LMX1A: variants seen among roughly 807,000 people sequenced by gnomAD.
LMX1A encodes LIM homeobox transcription factor 1 alpha.
LMX1A carries 15 observed loss-of-function variants against 49.1 expected under a neutral mutation model. That is an observed-to-expected ratio of 0.31 (90% CI 0.20 to 0.47). The LOEUF (loss-of-function observed/expected upper bound fraction) is 0.47, where lower values mean the gene tolerates loss of function less well. Ranked by LOEUF, LMX1A falls within the 20% of genes least tolerant of loss-of-function variation. The pLI is 1.00. For synonymous variants in LMX1A, 167 were observed against 185.7 expected (o/e 0.90, Z 0.82); for missense variants, 372 against 475.8 (o/e 0.78, Z 2.03).
intron 3 of LMX1A, among the ~76,000 whole-genome samples, chr1:165,352,488 G>T (rs185809646): frequency 1.8e-4 from 28 of 152,332 alleles, no homozygotes; most frequent in Admixed American, 1.8e-3. Flanking sequence ...GGGCGAACGG[G>T]CTGTGCGCTT....
At chr1:165,298,175 A>G (rs914013740) in intron 3 of LMX1A, among the ~76,000 whole-genome samples, 11 of 152,172 alleles carry the variant, frequency 7.2e-5, no homozygotes, top group Non-Finnish European at 1.6e-4. Context: ...TGCTCATTAG[A>G]GCCCGCCAGC....
intron 3 of LMX1A, among the ~76,000 whole-genome samples, chr1:165,275,229 C>T (rs575484952): frequency 6.6e-6 from 1 of 152,302 alleles, no homozygotes; most frequent in South Asian, 2.1e-4. Flanking sequence ...CCCGACAGCC[C>T]CGAGTCCTAG....
intron 3 of LMX1A, among the ~76,000 whole-genome samples, chr1:165,286,587 A>G (rs1654309686): frequency 6.6e-6 from 1 of 152,192 alleles, no homozygotes; most frequent in South Asian, 2.1e-4. Flanking sequence ...CCCAGAGTAG[A>G]AGGGAGAGAG....
intron 3 of LMX1A, among the ~76,000 whole-genome samples, chr1:165,352,696 AC>A (rs923412771): frequency 8.5e-5 from 13 of 152,274 alleles, no homozygotes; most frequent in African/African-American, 3.1e-4. Flanking sequence ...ACACGGGGTC[AC>A]TGGCAACCCG....
intron 3 of LMX1A, among the ~76,000 whole-genome samples, chr1:165,254,904 C>T (rs1396379681): frequency 2.0e-5 from 3 of 152,218 alleles, no homozygotes; most frequent in African/African-American, 7.2e-5. Flanking sequence ...CCCCTGAAAG[C>T]TCTGCAAATG....
chr1:165,316,688 G>C (rs1288709006), intron 3 of LMX1A, among the ~76,000 whole-genome samples: 1 of 152,172 alleles, frequency 6.6e-6, no homozygotes, highest in Non-Finnish European at 1.5e-5. Context: ...TCCACATCCA[G>C]GCGGTTTCCC....
At chr1:165,229,749 T>C (rs1044808588) in intron 4 of LMX1A, among the ~76,000 whole-genome samples, 1 of 152,200 alleles carries the variant, frequency 6.6e-6, no homozygotes, top group African/African-American at 2.4e-5. Flanking sequence ...TTGTTGTTGT[T>C]GTTTTCTGTC....
chr1:165,235,152 G>A (rs186622544), intron 4 of LMX1A, among the ~76,000 whole-genome samples: 2 of 135,676 alleles, frequency 1.5e-5, no homozygotes, highest in East Asian at 2.1e-4. Flanking sequence ...GACAGTTAGA[G>A]CGTATAGGGG....
chr1:165,282,782 T>C (rs895594727), intron 3 of LMX1A, among the ~76,000 whole-genome samples: 1 of 152,206 alleles, frequency 6.6e-6, no homozygotes, highest in Non-Finnish European at 1.5e-5. Context: ...CTCCAAATCA[T>C]GTACGGAGTT....
Position 165,355,517 on chromosome 1 carries a change from T to C in LMX1A, c.43A>G (p.Ile15Val). Residue 15 changes from isoleucine (I) to valine (V), a missense_variant, in exon 2 of 9, where the codon ATC becomes GTC. Around this residue, in one of 3 missense-constraint regions of LMX1A, gnomAD observed 199 missense variants for 244.0 expected, o/e 0.82. Coordinates refer to ENST00000342310, the MANE Select transcript of LMX1A (RefSeq NM_177398.4). This position sits in a 1 kb window ranked among gnomAD's most constrained non-coding sequence, Gnocchi z 4.7. ...LKMEENFQSA[I>V]DTSASFSSLL... ...GAGGAGAAGGAGGCCGAGGTGTCGA[T>C]CGCGCTTTGGAAGTTCTCCTCCATC... is the stretch of plus-strand genomic sequence containing the variant. 2 of 1,614,020 alleles carry C rather than the reference T, an allele frequency of 1.2e-6. No individual in the cohort carries two copies. The highest frequency in any genetic ancestry group is 1.7e-6 in the Non-Finnish European group (2 of 1,180,002).
intron 4 of LMX1A, among the ~76,000 whole-genome samples, chr1:165,246,425 G>T (rs1350331649): frequency 1.3e-5 from 2 of 152,130 alleles, no homozygotes; most frequent in Non-Finnish European, 2.9e-5. Flanking sequence ...TTTTAGAGTT[G>T]AAAGCGATAA....
intron 3 of LMX1A, among the ~76,000 whole-genome samples, chr1:165,329,658 G>C (rs868099064): frequency 6.8e-6 from 1 of 146,998 alleles, no homozygotes; most frequent in Middle Eastern, 3.5e-3. Flanking sequence ...ACAGTGATAT[G>C]GGTGAATAAG....
chr1:165,225,668 A>T (rs187031460), intron 4 of LMX1A, among the ~76,000 whole-genome samples: 4 of 152,310 alleles, frequency 2.6e-5, no homozygotes, highest in Admixed American at 2.6e-4. Context: ...CATGTCCCCA[A>T]ATCACCTGGT....
At chr1:165,269,825 T>C (rs1234209385) in intron 3 of LMX1A, among the ~76,000 whole-genome samples, 1 of 152,108 alleles carries the variant, frequency 6.6e-6, no homozygotes, top group Non-Finnish European at 1.5e-5. Flanking sequence ...TTCTCACTTA[T>C]AAGTGGGAGC....
chr1:165,350,828 T>C (rs1169032229), intron 3 of LMX1A, among the ~76,000 whole-genome samples: 2 of 152,194 alleles, frequency 1.3e-5, no homozygotes, highest in Non-Finnish European at 2.9e-5. Context: ...CAAAAATATT[T>C]TTAAAATAAA....
intron 3 of LMX1A, among the ~76,000 whole-genome samples, chr1:165,293,031 C>T (rs1041938684): frequency 4.6e-5 from 7 of 151,664 alleles, no homozygotes; most frequent in South Asian, 4.2e-4. Flanking sequence ...ACAGAAGATT[C>T]GCTTGAACCC....
At chr1:165,320,082 C>A (rs983672902) in intron 3 of LMX1A, among the ~76,000 whole-genome samples, 1 of 152,112 alleles carries the variant, frequency 6.6e-6, no homozygotes, top group Non-Finnish European at 1.5e-5. Flanking sequence ...AAAAATGCTT[C>A]TTTTATAAAC....
intron 3 of LMX1A, among the ~76,000 whole-genome samples, chr1:165,280,359 T>A (rs909859222): frequency 1.3e-5 from 2 of 152,138 alleles, no homozygotes; most frequent in African/African-American, 4.8e-5. Context: ...TAAAAACAAC[T>A]GTCTCCCACC....
chr1:165,305,046 C>T (rs1046846418), intron 3 of LMX1A, among the ~76,000 whole-genome samples: 1 of 152,180 alleles, frequency 6.6e-6, no homozygotes, highest in Non-Finnish European at 1.5e-5. Flanking sequence ...TCTCTTGGGC[C>T]CTCTAGAGAG....
Sources: allele counts gnomAD v4.1 joint callset (sites outside exome capture counted in the v4.1 genomes callset), GRCh38; gene constraint gnomAD v4.1.1; regional missense constraint gnomAD v4.1.1; non-coding constraint Gnocchi (gnomAD v3.1); transcripts MANE v1.5; gene names NCBI Gene and HGNC (gene_info 2026-07-23, HGNC 2026-07-21).